Variants in MYRIP observed in about 807,000 individuals in gnomAD.
The protein encoded by MYRIP is myosin VIIA and Rab interacting protein.
In MYRIP, 49 loss-of-function variants were observed where a neutral mutation model predicts 98.0. The observed-to-expected ratio is 0.50, with a 90% CI of 0.40 to 0.63. The LOEUF (loss-of-function observed/expected upper bound fraction) is 0.63. MYRIP is among the 30% of genes least tolerant of loss of function. The pLI, the probability that MYRIP is intolerant of heterozygous loss-of-function variation, is 0.00. For synonymous variants in MYRIP, 404 were observed against 409.5 expected (o/e 0.99, Z 0.16); for missense variants, 1,004 against 1,058.2 (o/e 0.95, Z 0.71).
At chr3:40,015,509 C>A (rs1294555345) in intron 2 of MYRIP, among the ~76,000 whole-genome samples, 2 of 152,236 alleles carry the variant, frequency 1.3e-5, no homozygotes, top group Non-Finnish European at 2.9e-5. Context: ...CTGGGACCAG[C>A]AGGGTCATAG....
At chr3:39,814,004 C>A (rs1940789035) in intron 1 of MYRIP, among the ~76,000 whole-genome samples, 2 of 151,832 alleles carry the variant, frequency 1.3e-5, no homozygotes, top group Admixed American at 1.3e-4. Flanking sequence ...TTTGATATGC[C>A]ACAGTTTATA....
chr3:39,973,135 G>T (rs1451716684), intron 2 of MYRIP, among the ~76,000 whole-genome samples: 1 of 152,018 alleles, frequency 6.6e-6, no homozygotes, highest in Admixed American at 6.6e-5. Context: ...AGACCCATCA[G>T]GGTGCTGTAT....
intron 1 of MYRIP, among the ~76,000 whole-genome samples, chr3:39,889,142 C>G (rs1039076348): frequency 5.3e-5 from 8 of 152,128 alleles, no homozygotes; most frequent in Non-Finnish European, 1.2e-4. Context: ...GGATCTAGAA[C>G]TAGAAATGCC....
chr3:40,102,341 G>A (rs1284079309), intron 3 of MYRIP, among the ~76,000 whole-genome samples: 1 of 152,178 alleles, frequency 6.6e-6, no homozygotes, highest in Admixed American at 6.5e-5. Context: ...TGTAATTCCT[G>A]AGCCTTGATG....
intron 2 of MYRIP, among the ~76,000 whole-genome samples, chr3:40,001,447 C>A (rs1436083071): frequency 6.6e-6 from 1 of 152,192 alleles, no homozygotes; most frequent in African/African-American, 2.4e-5. Flanking sequence ...GTAAGTACAG[C>A]TGCTGGTGAT....
Position 40,218,597 on chromosome 3 carries a change from ACATATATATATATTT to A in MYRIP, c.1905+8505_1905+8519del, listed in dbSNP as rs1161035876. ...TACACATTTACACACACACACACAC[ACATATATATATATTT>A]TATATATATATATATATATATATAT... On this transcript the variant is annotated intron_variant, in intron 11 of 16. Transcript: ENST00000302541. Among the ~76,000 whole-genome samples the A allele has an allele frequency of 3.0e-3, 12 of 4,054 alleles. 1 individual carries two copies. Among genetic ancestry groups the A allele is most frequent in the Non-Finnish European group, 0.011 (10 of 908 alleles). The allele number at this position is 4,054 out of a possible 152,430, so 2.7% of individuals were successfully genotyped here.
rs191867304 is a variant in MYRIP, at chr3:40,179,523, G to A, written c.874-2697G>A. Among the ~76,000 whole-genome samples the A allele has an allele frequency of 1.9e-4, 29 of 152,254 alleles. No individual in the cohort carries two copies. In the East Asian group the frequency reaches 5.6e-3, roughly 29 times the overall value. On this transcript the variant is annotated intron_variant, in intron 8 of 16. Coordinates refer to ENST00000302541, the MANE Select transcript of MYRIP (RefSeq NM_015460.4). The stretch of plus-strand genomic sequence containing the variant: ...CTGCAAAAATGAAATATTAAGTATT[G>A]TTTCCCCTTTTTAAACTTGTATTCA...
intron 1 of MYRIP, among the ~76,000 whole-genome samples, chr3:39,816,567 TATC>T (rs1461066412): frequency 6.6e-6 from 1 of 152,210 alleles, no homozygotes; most frequent in Non-Finnish European, 1.5e-5. Flanking sequence ...TCTTAGTTAT[TATC>T]ATAATTATAC....
At chr3:39,942,131 C>A (rs78237660) in intron 2 of MYRIP, among the ~76,000 whole-genome samples, 5,561 of 152,184 alleles carry the variant, frequency 0.037, 344 homozygotes, top group African/African-American at 0.13. Flanking sequence ...TTTATGTACA[C>A]CATAACAATG....
intron 1 of MYRIP, among the ~76,000 whole-genome samples, chr3:39,825,064 T>C (rs937724893): frequency 6.6e-6 from 1 of 152,218 alleles, no homozygotes; most frequent in East Asian, 1.9e-4. Context: ...TACAACTTTA[T>C]TGAATTTGTT....
intron 3 of MYRIP, among the ~76,000 whole-genome samples, chr3:40,078,360 G>T (rs1948401385): frequency 6.6e-6 from 1 of 152,202 alleles, no homozygotes; most frequent in African/African-American, 2.4e-5. Flanking sequence ...CCAGAAAGAG[G>T]CTCCCACAGT....
intron 3 of MYRIP, among the ~76,000 whole-genome samples, chr3:40,083,481 G>A (rs532129107): frequency 6.6e-6 from 1 of 152,224 alleles, no homozygotes; most frequent in Non-Finnish European, 1.5e-5. Flanking sequence ...TAATAGTAAA[G>A]CATAGTATAG....
chr3:39,941,505 G>GTA (rs555537738), intron 2 of MYRIP, among the ~76,000 whole-genome samples: 5,322 of 151,030 alleles, frequency 0.035, 316 homozygotes, highest in African/African-American at 0.12. Flanking sequence ...GTGTGTGTGT[G>GTA]TGTGTATATA....
intron 2 of MYRIP, among the ~76,000 whole-genome samples, chr3:40,001,136 A>T (rs1336739017): frequency 6.6e-6 from 1 of 152,236 alleles, no homozygotes; most frequent in East Asian, 1.9e-4. Context: ...CTAATGCTTC[A>T]TGGATATAAA....
At chr3:40,074,904 A>G (rs979933961) in intron 3 of MYRIP, among the ~76,000 whole-genome samples, 5 of 152,136 alleles carry the variant, frequency 3.3e-5, no homozygotes, top group Admixed American at 2.0e-4. Context: ...GCAAATTAAG[A>G]CTCTTTTCCA....
At chr3:40,171,666 T>G (rs1276010096) in intron 8 of MYRIP, among the ~76,000 whole-genome samples, 1 of 152,186 alleles carries the variant, frequency 6.6e-6, no homozygotes, top group African/African-American at 2.4e-5. Context: ...ATATGAGACC[T>G]TGAACAACTG....
Position 40,151,124 on chromosome 3 carries a change from G to A in MYRIP, c.409G>A (p.Val137Ile), listed in dbSNP as rs759162507. 6.2e-6 allele frequency: 10 copies of A among 1,611,398 alleles called. No homozygotes were observed. The East Asian group carries it at 2.0e-4, about 32-fold the overall frequency. The change falls in exon 4 of 17, where the codon GTT becomes ATT. Residue 137 changes from valine (V) to isoleucine (I), a missense_variant. By Grantham distance (29) the Val-to-Ile change is conservative (BLOSUM62 3). Coordinates refer to ENST00000302541, the MANE Select transcript of MYRIP (RefSeq NM_015460.4). ...CTTCAAGCGCTTTGGCAGTGCCAAG[G>A]TTCTGAAGAACCTGTACAGGAAGCA... ...SRFKRFGSAK[V>I]LKNLYRKHRL... is the part of the protein sequence containing the mutation.
intron 1 of MYRIP, among the ~76,000 whole-genome samples, chr3:39,855,345 C>A (rs1369337640): frequency 6.6e-6 from 1 of 152,036 alleles, no homozygotes; most frequent in Non-Finnish European, 1.5e-5. Flanking sequence ...CCTAAGATGG[C>A]CAGGGTAATT....
At chr3:40,116,806 A>C (rs1208597262) in intron 3 of MYRIP, among the ~76,000 whole-genome samples, 1 of 152,272 alleles carries the variant, frequency 6.6e-6, no homozygotes, top group East Asian at 1.9e-4. Context: ...AAAACCGTTA[A>C]AATGACTTGT....
Sources: allele counts gnomAD v4.1 joint callset (sites outside exome capture counted in the v4.1 genomes callset), GRCh38; gene constraint gnomAD v4.1.1; transcripts MANE v1.5; gene names NCBI Gene and HGNC (gene_info 2026-07-23, HGNC 2026-07-21).